DPH1: variants seen among roughly 807,000 people sequenced by gnomAD.
DPH1 encodes diphthamide biosynthesis 1.
Under a neutral mutation model 55.3 loss-of-function variants are expected in DPH1, and 59 were observed. The ratio of observed to expected loss-of-function variants is 1.07; its 90% confidence interval spans 0.87 to 1.33. The LOEUF (loss-of-function observed/expected upper bound fraction) is 1.33. Among genes scored for constraint, DPH1 ranks in the 40% most tolerant of loss-of-function variants. The probability of loss-of-function intolerance (pLI) is 0.00; values close to 1 mark genes in which losing one functional copy is unlikely to be tolerated. For synonymous variants in DPH1, 238 were observed against 235.5 expected (o/e 1.01, Z -0.10); for missense variants, 628 against 584.8 (o/e 1.07, Z -0.76).
chr17:2,043,174 C>T lies in DPH1; in HGVS notation c.*588C>T. 4 of 1,527,848 alleles carry T rather than the reference C, an allele frequency of 2.6e-6. No homozygotes were observed. The highest frequency in any genetic ancestry group is 3.5e-6 in the Non-Finnish European group (4 of 1,128,044). The allele number at this position is 1,527,848 out of a possible 1,614,324, so 94.6% of individuals were successfully genotyped here. A position where few individuals can be genotyped will look rare whatever the true frequency, so the allele number is the denominator to read the frequency against. ...GCAGCCTCCGTCATCCATGCCCTCC[C>T]AGGACCCTCCACTCACTGCTGTGAG... On this transcript the variant is annotated 3_prime_UTR_variant, in exon 13 of 13. Transcript: ENST00000263083.
intron 12 of DPH1, 139 bp from the exon 13 acceptor site, chr17:2,042,466 C>A: frequency 7.6e-7 from 1 of 1,316,878 alleles, no homozygotes; most frequent in Non-Finnish European, 1.0e-6. Flanking sequence ...ACTCATTTCC[C>A]CCCTCTCATT....
At chr17:2,040,927 AG>A (rs1313434090) in intron 9 of DPH1, 175 bp from the exon 10 acceptor site, 3 of 698,574 alleles carry the variant, frequency 4.3e-6, no homozygotes, top group Non-Finnish European at 7.3e-6. Flanking sequence ...CAGAGGAAAC[AG>A]GAGAAAACAC....
Position 2,030,195 on chromosome 17 carries a change from C to T in DPH1, c.26C>T (p.Ala9Val). 2 of 1,602,152 alleles carry T rather than the reference C, an allele frequency of 1.2e-6. No homozygotes were observed. Among genetic ancestry groups the T allele is most frequent in the Non-Finnish European group, 1.7e-6 (2 of 1,175,554 alleles). The change falls in exon 1 of 13, where the codon GCA becomes GTA. Residue 9 changes from alanine to valine, a missense_variant. Ala to Val is a moderately conservative substitution (Grantham distance 64). Transcript: ENST00000263083. Reference sequence around the variant, plus strand: ...ATGGCGGCGCTGGTCGTATCCGGGGCAGCGGAGCAGGGCGGCCGAGACGGC... The same window carrying T: ...ATGGCGGCGCTGGTCGTATCCGGGGTAGCGGAGCAGGGCGGCCGAGACGGC... MAALVVSG[A>V]AEQGGRDGPG...
intron 10 of DPH1, 84 bp downstream of exon 10, chr17:2,041,265 C>T: frequency 6.6e-7 from 1 of 1,512,534 alleles, no homozygotes; most frequent in South Asian, 1.2e-5. Flanking sequence ...GGGTGGGCAG[C>T]ACTTCGTTAT....
chr17:2,042,260 C>T (rs2067550756), intron 12 of DPH1: 4 of 1,404,006 alleles, frequency 2.8e-6, no homozygotes, highest in South Asian at 1.5e-5. Context: ...CGGAAACGCA[C>T]TCAGTTTCCT....
chr17:2,040,476 A>AC (rs753929581), intron 8 of DPH1, 29 bp from the exon 9 acceptor site: 8 of 1,613,538 alleles, frequency 5.0e-6, no homozygotes, highest in Admixed American at 1.7e-5. Context: ...TGACCAGGTG[A>AC]CCCCCACCCT....
chr17:2,042,377 C>T (rs1047908655), intron 12 of DPH1: 4 of 1,306,338 alleles, frequency 3.1e-6, no homozygotes, highest in African/African-American at 3.1e-5. Context: ...CCCATACCCT[C>T]TTTGCTCAAA....
intron 6 of DPH1, among the ~76,000 whole-genome samples, chr17:2,037,805 C>G (rs2067449099): frequency 6.6e-6 from 1 of 152,220 alleles, no homozygotes; most frequent in African/African-American, 2.4e-5. Flanking sequence ...TGGGGGCACA[C>G]TTGGTACAGC....
Position 2,036,235 on chromosome 17 carries a change from G to A in DPH1, c.400+144G>A, listed in dbSNP as rs1166286786. The A allele has an allele frequency of 1.9e-5, 26 of 1,390,750 alleles. No individual in the cohort carries two copies. Among genetic ancestry groups the A allele is most frequent in the East Asian group, 2.5e-5 (1 of 39,938 alleles). The allele number at this position is 1,390,750 out of a possible 1,614,324, so 86.2% of individuals were successfully genotyped here. A position where few individuals can be genotyped will look rare whatever the true frequency, so the allele number is the denominator to read the frequency against. Reference sequence around the variant, plus strand: ...TTTCTGGGGTGGCCTCTGCCTTCCCGCTCTGCAGGTAGATCTTTCCTTTGG... The same window carrying A: ...TTTCTGGGGTGGCCTCTGCCTTCCCACTCTGCAGGTAGATCTTTCCTTTGG... On this transcript the variant is annotated intron_variant, in intron 4 of 12. Transcript: ENST00000263083. This position sits in a 1 kb window ranked among gnomAD's most constrained non-coding sequence, Gnocchi z 4.8.
intron 12 of DPH1, chr17:2,042,182 G>A (rs1227107128): frequency 6.9e-7 from 1 of 1,448,254 alleles, no homozygotes; most frequent in Admixed American, 2.7e-5. Flanking sequence ...TCAGCGGCCC[G>A]CACCCGGTCC....
At chr17:2,031,614 T>G (rs1178323166) in intron 1 of DPH1, among the ~76,000 whole-genome samples, 1 of 147,688 alleles carries the variant, frequency 6.8e-6, no homozygotes, top group African/African-American at 2.5e-5. Context: ...GGCACATGCC[T>G]GTGGTCCTAG....
In DPH1 at chr17:2,036,671, T is replaced by G; in HGVS notation, c.543T>G (p.Phe181Leu). ...TALALVSTIQ[F>L]VSTLQAAAQE... ...TTGCCCTGGTCAGCACCATTCAGTT[T>G]GTGTCGACCTTGCAGGTGGGTGGAA... Residue 181 changes from phenylalanine to leucine, a missense_variant, in exon 5 of 13, where the codon TTT (phenylalanine) becomes TTG (leucine). Physicochemically the swap from Phe to Leu is conservative, Grantham distance 22. Coordinates refer to ENST00000263083, the MANE Select transcript of DPH1 (RefSeq NM_001383.6). The surrounding 1 kb of genome is among the most constrained non-coding windows in gnomAD (Gnocchi z 4.8). 1 of 1,614,098 alleles carries G rather than the reference T, an allele frequency of 6.2e-7. No homozygotes were observed. The highest frequency in any genetic ancestry group is 8.5e-7 in the Non-Finnish European group (1 of 1,179,996).
rs1025082872 is a variant in DPH1 at position 2,041,906 on chromosome 17, C to T, written c.*18+31C>T. The T allele has an allele frequency of 2.6e-6, 4 of 1,545,922 alleles. No homozygotes were observed. The African/African-American group carries it at 4.1e-5, about 16-fold the overall frequency. On this transcript the variant is annotated intron_variant, in intron 12 of 12. Transcript: ENST00000263083. ...AGCCCCCGCTCTGGGTGCGCCCCGC[C>T]TTTTGCCGTTGTCATGGGAACGCCT...
intron 3 of DPH1, chr17:2,035,092 C>T (rs1247952325): frequency 6.6e-6 from 1 of 151,890 alleles, no homozygotes; most frequent in African/African-American, 2.4e-5. Flanking sequence ...AGCAGGAGCT[C>T]AACTCTTCCA....
intron 3 of DPH1, 58 bp downstream of exon 3, chr17:2,033,900 C>T (rs983476673): frequency 9.4e-6 from 15 of 1,600,572 alleles, no homozygotes; most frequent in East Asian, 4.5e-5. Flanking sequence ...CCCCTATGCT[C>T]ATTACCCGGG....
chr17:2,042,071 G>A, intron 12 of DPH1, 196 bp downstream of exon 12: 5 of 1,558,786 alleles, frequency 3.2e-6, no homozygotes, highest in Non-Finnish European at 1.7e-6. Flanking sequence ...GACCCCTGCG[G>A]GTCCTGTGCC....
rs1211309504 is a variant in DPH1, at chr17:2,042,035, C to T, written c.*18+160C>T. 7.3e-6 allele frequency: 11 copies of T among 1,509,074 alleles called. No individual in the cohort carries two copies. The Admixed American group carries it at 8.5e-5, about 12-fold the overall frequency. 93.5% of individuals were successfully genotyped at this position (1,509,074 alleles called of 1,614,324 possible). On this transcript the variant is annotated intron_variant, in intron 12 of 12. Coordinates refer to ENST00000263083, the MANE Select transcript of DPH1 (RefSeq NM_001383.6). ...ACCGCTTCCGGTGCTTCCGTCGCTC[C>T]TTGCCGGGCATAATGGCCGCGCAGC... is the stretch of plus-strand genomic sequence containing the variant.
At position 2,041,484 on chromosome 17, in the gene DPH1, G is replaced by GC; in HGVS notation, c.1092dup (p.Val365ArgfsTer248). The GC allele has an allele frequency of 6.2e-7, 1 of 1,604,424 alleles. No individual in the cohort carries two copies. The highest frequency in any genetic ancestry group is 8.5e-7 in the Non-Finnish European group (1 of 1,176,292). On this transcript the variant is annotated frameshift_variant, in exon 11 of 13. Coordinates refer to ENST00000263083, the MANE Select transcript of DPH1 (RefSeq NM_001383.6). LOFTEE classifies it high-confidence loss of function. ...GTCCCTCCCTCCCCTCCCCTAGGCG[G>GC]CCGTGGCTCTGAGGGACATTTCCTG...
At chr17:2,038,613 T>C (rs1211488470) in intron 6 of DPH1, among the ~76,000 whole-genome samples, 1 of 152,184 alleles carries the variant, frequency 6.6e-6, no homozygotes, top group Non-Finnish European at 1.5e-5. Flanking sequence ...GGGATCTAGG[T>C]TGCATGATCT....
Sources: allele counts gnomAD v4.1 joint callset (sites outside exome capture counted in the v4.1 genomes callset), GRCh38; gene constraint gnomAD v4.1.1; non-coding constraint Gnocchi (gnomAD v3.1); transcripts MANE v1.5; gene names NCBI Gene and HGNC (gene_info 2026-07-23, HGNC 2026-07-21).